Variants in VRK2 observed in about 807,000 individuals in gnomAD.
The protein encoded by VRK2 is VRK serine/threonine kinase 2.
Under a neutral mutation model 57.6 loss-of-function variants are expected in VRK2, and 60 were observed. That is an observed-to-expected ratio of 1.04 (90% confidence interval 0.85 to 1.29). The LOEUF is 1.29. Among genes scored for constraint, VRK2 ranks in the 50% most tolerant of loss-of-function variants. The pLI, the probability that VRK2 is intolerant of heterozygous loss-of-function variation, is 0.00. For missense variants in VRK2, 705 were observed against 588.1 expected, an observed-to-expected ratio of 1.20 and a Z score of -2.06; for synonymous variants, 231 against 199.2, an observed-to-expected ratio of 1.16 and a Z score of -1.35.
At chr2:58,123,813 C>T (rs767652206) in intron 8 of VRK2, among the ~76,000 whole-genome samples, 3 of 151,770 alleles carry the variant, frequency 2.0e-5, no homozygotes, top group Admixed American at 6.6e-5. Flanking sequence ...CATAATCACA[C>T]CACTGCTCCC....
intron 1 of VRK2, among the ~76,000 whole-genome samples, chr2:57,994,918 T>C (rs1289041085): frequency 6.6e-6 from 1 of 152,222 alleles, no homozygotes; most frequent in Non-Finnish European, 1.5e-5. Flanking sequence ...ATGTCTAGTT[T>C]AGTAAAGACA....
chr2:58,068,590 C>A (rs1040755032), intron 2 of VRK2, among the ~76,000 whole-genome samples: 2 of 151,972 alleles, frequency 1.3e-5, no homozygotes, highest in South Asian at 2.1e-4. Flanking sequence ...ACATTTCAGT[C>A]CTTATTTCAT....
At chr2:57,952,435 A>C (rs1671456012) in intron 1 of VRK2, among the ~76,000 whole-genome samples, 2 of 152,314 alleles carry the variant, frequency 1.3e-5, no homozygotes, top group South Asian at 4.1e-4. Context: ...CGAAAGAGGG[A>C]ATTAACATTT....
intron 2 of VRK2, among the ~76,000 whole-genome samples, chr2:58,082,514 C>T (rs1413837578): frequency 2.0e-5 from 3 of 151,812 alleles, no homozygotes; most frequent in African/African-American, 7.2e-5. Flanking sequence ...TTCTCCTTAG[C>T]CTTGGAAACC....
upstream of VRK2, chr2:58,046,444 T>C (rs1335839596): frequency 1.0e-6 from 1 of 973,026 alleles, no homozygotes; most frequent in Non-Finnish European, 1.2e-6. Context: ...GGACTAGCCA[T>C]TTGGAAGCTC....
intron 1 of VRK2, among the ~76,000 whole-genome samples, chr2:57,977,565 A>C (rs1265191690): frequency 1.4e-5 from 2 of 145,082 alleles, no homozygotes; most frequent in Admixed American, 6.7e-5. Flanking sequence ...TTGTACATTA[A>C]TTCTGTGTCC....
At chr2:58,050,181 TTAA>T (rs1675498711) in intron 2 of VRK2, among the ~76,000 whole-genome samples, 1 of 152,208 alleles carries the variant, frequency 6.6e-6, no homozygotes, top group Non-Finnish European at 1.5e-5. Context: ...TGAAATTATT[TTAA>T]TAATATTTAA....
At chr2:58,120,994 A>G (rs1677414282) in intron 7 of VRK2, among the ~76,000 whole-genome samples, 1 of 152,234 alleles carries the variant, frequency 6.6e-6, no homozygotes, top group Non-Finnish European at 1.5e-5. Flanking sequence ...GTAGTCTCGA[A>G]TAAAGTCTTA....
intron 1 of VRK2, among the ~76,000 whole-genome samples, chr2:58,000,559 A>C (rs965294167): frequency 6.6e-6 from 1 of 152,202 alleles, no homozygotes; most frequent in Non-Finnish European, 1.5e-5. Context: ...TTCTCAGCTT[A>C]GGATTTCACT....
intron 1 of VRK2, among the ~76,000 whole-genome samples, chr2:57,971,127 C>T (rs1406218538): frequency 1.3e-5 from 2 of 151,900 alleles, no homozygotes; most frequent in Non-Finnish European, 2.9e-5. Flanking sequence ...TATAGCCATA[C>T]TCATGGCCAT....
intron 1 of VRK2, among the ~76,000 whole-genome samples, chr2:57,973,093 C>A (rs1461846574): frequency 2.6e-5 from 4 of 151,788 alleles, no homozygotes; most frequent in Admixed American, 2.6e-4. Context: ...TTAGACATTG[C>A]CAAATTTTCT....
chr2:58,056,649 C>T (rs776942831), intron 2 of VRK2, among the ~76,000 whole-genome samples: 4 of 152,164 alleles, frequency 2.6e-5, no homozygotes, highest in South Asian at 2.1e-4. Context: ...TTCTGCATCA[C>T]GTGTTTGAGG....
chr2:58,125,037 T>C (rs1222413655), intron 8 of VRK2, among the ~76,000 whole-genome samples: 1 of 152,172 alleles, frequency 6.6e-6, no homozygotes. Flanking sequence ...TTACACCTAA[T>C]AGAATTTTTA....
At chr2:57,924,067 G>A (rs750362511) in intron 1 of VRK2, among the ~76,000 whole-genome samples, 3 of 151,640 alleles carry the variant, frequency 2.0e-5, no homozygotes, top group African/African-American at 4.8e-5. Context: ...TCTCTCTTCC[G>A]TTCTTCTGAT....
At chr2:57,909,386 G>A (rs2103878751) in intron 1 of VRK2, among the ~76,000 whole-genome samples, 1 of 152,178 alleles carries the variant, frequency 6.6e-6, no homozygotes, top group Admixed American at 6.5e-5. Flanking sequence ...ATTAAGTACT[G>A]CACTCTTTCA....
At position 58,086,323 on chromosome 2, in the gene VRK2, A is replaced by G; in HGVS notation, c.257-16A>G. On this transcript the variant is annotated splice_polypyrimidine_tract_variant and intron_variant, in intron 4 of 12. Coordinates refer to ENST00000340157, the MANE Select transcript of VRK2 (RefSeq NM_006296.7). ...AAATAACATGAATCTTTTTAAAAAT[A>G]AATTTGTCTTTGTAGTCAAAAAGTG... 6.3e-7 allele frequency: 1 copy of G among 1,580,460 alleles called. No homozygotes were observed. The highest frequency in any genetic ancestry group is 1.4e-5 in the African/African-American group (1 of 73,126).
At chr2:58,062,039 A>C (rs958734991) in intron 2 of VRK2, among the ~76,000 whole-genome samples, 8 of 152,086 alleles carry the variant, frequency 5.3e-5, no homozygotes, top group African/African-American at 1.9e-4. Flanking sequence ...GCAACCCTGC[A>C]TCAACCAAAT....
chr2:57,953,488 C>G (rs1018140548), intron 1 of VRK2, among the ~76,000 whole-genome samples: 6 of 152,058 alleles, frequency 3.9e-5, no homozygotes, highest in Admixed American at 3.3e-4. Flanking sequence ...GCGTGTATCC[C>G]ATAAAATATG....
chr2:58,027,308 T>G lies in VRK2; in HGVS notation c.-333+1538T>G, dbSNP rs77102509. 1.6e-3 allele frequency among the ~76,000 whole-genome samples: 248 copies of G among 152,164 alleles called. 1 individual carries two copies. In the East Asian group the frequency reaches 0.02, roughly 12 times the overall value. ...GCCTTGCCATCCAACCCTATGGTCA[T>G]ATGCAAGTTTCCACAGGTATTCAAA... is the stretch of plus-strand genomic sequence containing the variant. On this transcript the variant is annotated intron_variant, in intron 2 of 15. Transcript: ENST00000417641.
Sources: gnomAD v4.1 joint callset for allele counts (sites outside exome capture counted in the v4.1 genomes callset) on GRCh38, gnomAD v4.1.1 for gene constraint, MANE v1.5 for transcripts, NCBI Gene and HGNC (gene_info 2026-07-23, HGNC 2026-07-21) for gene names.